MND1: variants seen among roughly 807,000 people sequenced by gnomAD.
MND1 encodes the protein meiotic nuclear divisions 1.
MND1 carries 28 observed loss-of-function variants against 35.1 expected under a neutral mutation model. That is an observed-to-expected ratio of 0.80 (90% confidence interval 0.59 to 1.09). The LOEUF (loss-of-function observed/expected upper bound fraction) is 1.09, where lower values mean the gene tolerates loss of function less well. Ranked by LOEUF, MND1 falls within the 50% of genes least tolerant of loss-of-function variation. The probability of loss-of-function intolerance (pLI) is 0.00; values close to 1 mark genes in which losing one functional copy is unlikely to be tolerated. For synonymous variants in MND1, 69 were observed against 70.5 expected, an observed-to-expected ratio of 0.98 and a Z score of 0.11; for missense variants, 213 against 239.6, an observed-to-expected ratio of 0.89 and a Z score of 0.73.
rs565141412 is a variant in MND1 at position 153,346,783 on chromosome 4, G to C, written c.3+2043G>C. On this transcript the variant is annotated intron_variant, in intron 1 of 7. Transcript: ENST00000240488. ...TAGATTCTCCTCATTGCCTGCCTCT[G>C]GGGGGCAGATTCTTGTGGAGTGCAA... 9.2e-5 allele frequency among the ~76,000 whole-genome samples: 14 copies of C among 152,252 alleles called. No individual in the cohort carries two copies. In the East Asian group the frequency reaches 1.9e-3, roughly 21 times the overall value.
At chr4:153,383,743 C>T (rs530146623) in intron 4 of MND1, among the ~76,000 whole-genome samples, 29 of 152,312 alleles carry the variant, frequency 1.9e-4, no homozygotes, top group East Asian at 5.8e-4. Context: ...AGGGCACATC[C>T]GCTTCCAACA....
intron 4 of MND1, among the ~76,000 whole-genome samples, chr4:153,376,996 AAGTCTATGT>A (rs1728529108): frequency 6.6e-6 from 1 of 152,214 alleles, no homozygotes; most frequent in African/African-American, 2.4e-5. Flanking sequence ...ATATGGCAGC[AAGTCTATGT>A]AGTGGTTTTT....
intron 5 of MND1, among the ~76,000 whole-genome samples, chr4:153,396,599 C>T (rs1729203305): frequency 6.6e-6 from 1 of 152,146 alleles, no homozygotes; most frequent in Non-Finnish European, 1.5e-5. Flanking sequence ...AGCACTATGA[C>T]TTCTACCTGC....
In MND1 at chr4:153,350,101, C is replaced by A. The variant is rs754634880; in HGVS notation, c.41C>A (p.Thr14Asn). 3 of 1,606,230 alleles carry A rather than the reference C, an allele frequency of 1.9e-6. No individual in the cohort carries two copies. In the Admixed American group the frequency reaches 5.1e-5, roughly 28 times the overall value. The change falls in exon 2 of 8, where the codon ACT becomes AAT. Residue 14 changes from threonine to asparagine, a missense_variant. By Grantham distance (65) the Thr-to-Asn change is moderately conservative. Coordinates refer to ENST00000240488, the MANE Select transcript of MND1 (RefSeq NM_032117.4). The stretch of plus-strand genomic sequence containing the variant: ...GGACTGAGTGCAGAAGAAAAGAGAA[C>A]TCGCATGATGGAAATATTTTCTGAA... The part of the protein sequence containing the change: ...KKGLSAEEKR[T>N]RMMEIFSETK...
At position 153,414,236 on chromosome 4, in the gene MND1, A is replaced by G. The variant is rs558840696; in HGVS notation, c.512-515A>G. 3.3e-5 allele frequency among the ~76,000 whole-genome samples: 5 copies of G among 152,260 alleles called. No homozygotes were observed. The South Asian group carries it at 1.0e-3, about 32-fold the overall frequency. ...GTATTTAGCAGCAAGCAGCTTACAG[A>G]ATTTTTAAATATGAGATCTATTAAC... On this transcript the variant is annotated intron_variant, in intron 7 of 7. Transcript: ENST00000240488.
chr4:153,369,916 A>T (rs990420252), intron 4 of MND1, among the ~76,000 whole-genome samples: 2 of 152,068 alleles, frequency 1.3e-5, no homozygotes, highest in East Asian at 3.8e-4. Context: ...TGCCATTTCA[A>T]CAATGTTCAC....
chr4:153,405,657 T>C (rs988524490), intron 6 of MND1, among the ~76,000 whole-genome samples: 2 of 152,142 alleles, frequency 1.3e-5, no homozygotes, highest in Non-Finnish European at 2.9e-5. Flanking sequence ...AGAAATCATG[T>C]TTTTAGCTCA....
intron 4 of MND1, among the ~76,000 whole-genome samples, chr4:153,358,971 A>G (rs988245159): frequency 2.0e-5 from 3 of 152,176 alleles, no homozygotes; most frequent in Admixed American, 6.5e-5. Context: ...CTCACCACGC[A>G]CACAATTTTC....
At chr4:153,406,097 G>A (rs796314721) in intron 6 of MND1, among the ~76,000 whole-genome samples, 41 of 152,270 alleles carry the variant, frequency 2.7e-4, no homozygotes, top group African/African-American at 9.4e-4. Flanking sequence ...ACTGTGCCAG[G>A]CCGGATTTAT....
intron 4 of MND1, among the ~76,000 whole-genome samples, chr4:153,389,281 G>A (rs1728955354): frequency 6.6e-6 from 1 of 152,174 alleles, no homozygotes; most frequent in South Asian, 2.1e-4. Context: ...TCTGCCTCCT[G>A]CCATTATCAA....
intron 1 of MND1, among the ~76,000 whole-genome samples, chr4:153,349,219 T>G (rs1219254474): frequency 6.6e-6 from 1 of 152,148 alleles, no homozygotes; most frequent in African/African-American, 2.4e-5. Context: ...TTAACATATA[T>G]TTCAGCTACA....
chr4:153,345,675 C>A (rs1375071149), intron 1 of MND1, among the ~76,000 whole-genome samples: 1 of 152,146 alleles, frequency 6.6e-6, no homozygotes, highest in Non-Finnish European at 1.5e-5. Context: ...TTAAATGTTG[C>A]CGAGCTAAGG....
rs572932999 is a variant in MND1, at chr4:153,386,506, A to G, written c.277-7756A>G. On this transcript the variant is annotated intron_variant, in intron 4 of 7. Transcript: ENST00000240488. ...GTGGGAGACTGTGGATCATGAGGTC[A>G]GGAGTTTGAGACCAACCTGACCAAC... 1.4e-4 allele frequency among the ~76,000 whole-genome samples: 22 copies of G among 152,238 alleles called. 1 individual carries two copies. The highest frequency in any genetic ancestry group is 5.3e-4 in the African/African-American group (22 of 41,540).
rs778716549 is a variant in MND1 at position 153,358,542 on chromosome 4, G to A, written c.196G>A (p.Gly66Arg). ...TGGTATGGTTGACTGTGAGAGGATCGGAACTTCTAATTATTATTGGGCTTT... is the reference window on the plus strand; with the variant it reads ...TGGTATGGTTGACTGTGAGAGGATCAGAACTTCTAATTATTATTGGGCTTT... Reference protein sequence around the residue: ...DDGMVDCERIGTSNYYWAFPS... With the variant: ...DDGMVDCERIRTSNYYWAFPS... The change falls in exon 4 of 8, where the codon GGA (glycine) becomes AGA (arginine). Residue 66 changes from glycine to arginine, a missense_variant. Transcript: ENST00000240488. 5.0e-6 allele frequency: 8 copies of A among 1,613,410 alleles called. No homozygotes were observed. Among genetic ancestry groups the A allele is most frequent in the South Asian group, 3.3e-5 (3 of 90,980 alleles).
At chr4:153,365,665 T>C (rs1773619979) in intron 4 of MND1, among the ~76,000 whole-genome samples, 1 of 151,928 alleles carries the variant, frequency 6.6e-6, no homozygotes, top group Admixed American at 6.6e-5. Flanking sequence ...AGGGGCACAA[T>C]CATAGCTCAC....
At chr4:153,411,394 T>C (rs1729681112) in intron 7 of MND1, among the ~76,000 whole-genome samples, 1 of 152,110 alleles carries the variant, frequency 6.6e-6, no homozygotes, top group South Asian at 2.1e-4. Context: ...TCTATATCCA[T>C]TCATAAAAAT....
intron 6 of MND1, among the ~76,000 whole-genome samples, chr4:153,404,801 ATC>A (rs1729449847): frequency 1.3e-5 from 2 of 152,144 alleles, no homozygotes; most frequent in Non-Finnish European, 2.9e-5. Flanking sequence ...CTTTAAGCGG[ATC>A]ACAAAGTAGA....
intron 4 of MND1, among the ~76,000 whole-genome samples, chr4:153,391,971 G>A (rs1380090236): frequency 6.6e-6 from 1 of 151,858 alleles, no homozygotes; most frequent in Non-Finnish European, 1.5e-5. Flanking sequence ...CAAAGCAAGG[G>A]TAAACCTACC....
chr4:153,353,404 CATATATATATATATAT>C (rs58280101), intron 2 of MND1, among the ~76,000 whole-genome samples: 1,556 of 81,932 alleles, frequency 0.019, 28 homozygotes, highest in Middle Eastern at 0.047. Context: ...GACTTTATCA[CATATATATATATATAT>C]ATATATATAT....
Sources: gnomAD v4.1 joint callset for allele counts (sites outside exome capture counted in the v4.1 genomes callset) on GRCh38, gnomAD v4.1.1 for gene constraint, MANE v1.5 for transcripts, NCBI Gene and HGNC (gene_info 2026-07-23, HGNC 2026-07-21) for gene names.